Variants in ALMS1 observed in about 807,000 individuals in gnomAD.
ALMS1 encodes the protein centrosome-associated protein ALMS1.
ALMS1 carries 271 observed loss-of-function variants against 352.2 expected under a neutral mutation model. The observed-to-expected ratio is 0.77, with a 90% CI of 0.70 to 0.85. The LOEUF is 0.85. Ranked by LOEUF, ALMS1 falls within the 40% of genes least tolerant of loss-of-function variation. ALMS1 has a pLI of 0.00. For missense variants in ALMS1, 5,445 were observed against 4,870.7 expected (o/e 1.12, Z -3.51); for synonymous variants, 1,865 against 1,761.2 (o/e 1.06, Z -1.48).
At chr2:73,604,938 A>C (rs1675781609) in intron 21 of ALMS1, among the ~76,000 whole-genome samples, 1 of 152,208 alleles carries the variant, frequency 6.6e-6, no homozygotes, top group South Asian at 2.1e-4. Context: ...AGTGTGATGG[A>C]AGAACAAGGA....
At chr2:73,446,974 C>A (rs1400175735) in intron 7 of ALMS1, among the ~76,000 whole-genome samples, 1 of 152,178 alleles carries the variant, frequency 6.6e-6, no homozygotes, top group Non-Finnish European at 1.5e-5. Context: ...TTAACACCAT[C>A]TGACACATCA....
intron 1 of ALMS1, among the ~76,000 whole-genome samples, chr2:73,406,917 A>G (rs1036514690): frequency 1.3e-5 from 2 of 152,186 alleles, no homozygotes; most frequent in African/African-American, 2.4e-5. Flanking sequence ...GAGCCACCGC[A>G]CCTGGCCAAA....
chr2:73,573,725 A>G (rs1674993778), intron 16 of ALMS1: 1 of 574,016 alleles, frequency 1.7e-6, no homozygotes, highest in African/African-American at 1.9e-5. Flanking sequence ...TCTATCCTGA[A>G]CAATATTGCT....
intron 11 of ALMS1, among the ~76,000 whole-genome samples, chr2:73,526,450 G>A (rs1413580362): frequency 1.3e-5 from 2 of 151,808 alleles, no homozygotes; most frequent in Non-Finnish European, 2.9e-5. Context: ...TTTTTTTGTT[G>A]TCCTCTTCAA....
intron 16 of ALMS1, among the ~76,000 whole-genome samples, chr2:73,575,247 A>G (rs903727005): frequency 4.6e-5 from 7 of 152,076 alleles, no homozygotes; most frequent in South Asian, 2.1e-4. Flanking sequence ...CCTGTCTGCA[A>G]TTCTTTTGGG....
chr2:73,519,720 C>G, intron 10 of ALMS1, 55 bp from the exon 11 acceptor site: 1 of 1,609,766 alleles, frequency 6.2e-7, no homozygotes, highest in Non-Finnish European at 8.5e-7. Context: ...AAAGAGATTT[C>G]AGTCTCTAAT....
intron 6 of ALMS1, among the ~76,000 whole-genome samples, chr2:73,429,297 T>C (rs1671454788): frequency 4.1e-5 from 6 of 146,386 alleles, no homozygotes. Context: ...TTTTTTTTTT[T>C]TGAGGCAGAG....
At chr2:73,508,207 C>CTTT (rs562118895) in intron 10 of ALMS1, among the ~76,000 whole-genome samples, 12 of 108,014 alleles carry the variant, frequency 1.1e-4, no homozygotes, top group African/African-American at 2.1e-4. Flanking sequence ...TCTTCTTCTT[C>CTTT]TTTTTTTTTT....
At chr2:73,447,892 T>TC in intron 7 of ALMS1, 68 bp from the exon 8 acceptor site, 1 of 1,489,632 alleles carries the variant, frequency 6.7e-7, no homozygotes, top group Non-Finnish European at 8.9e-7. Flanking sequence ...AAAGCTGGCT[T>TC]TTTTCCAGCA....
chr2:73,437,748 C>A (rs1356378732), intron 7 of ALMS1, among the ~76,000 whole-genome samples: 3 of 152,146 alleles, frequency 2.0e-5, no homozygotes, highest in Non-Finnish European at 4.4e-5. Context: ...GTCTTGACAT[C>A]TGAAACTGCG....
chr2:73,424,369 A>G, intron 4 of ALMS1, 61 bp from the exon 5 acceptor site: 2 of 1,092,742 alleles, frequency 1.8e-6, no homozygotes, highest in Non-Finnish European at 2.5e-6. Context: ...TTGTGTTAGT[A>G]CTTAAAAATT....
chr2:73,469,193 A>G (rs1044304774), intron 9 of ALMS1, among the ~76,000 whole-genome samples: 1 of 151,888 alleles, frequency 6.6e-6, no homozygotes, highest in African/African-American at 2.4e-5. Flanking sequence ...AGTTTAGAAA[A>G]AAAAACCATG....
At chr2:73,601,508 C>G (rs1489282804) in intron 19 of ALMS1, 72 bp downstream of exon 19, 7 of 1,575,226 alleles carry the variant, frequency 4.4e-6, no homozygotes, top group Non-Finnish European at 5.2e-6. Flanking sequence ...GAAGCTGGCT[C>G]TGTGACTTGG....
chr2:73,498,812 A>G (rs1283482333), intron 10 of ALMS1, among the ~76,000 whole-genome samples: 3 of 152,118 alleles, frequency 2.0e-5, no homozygotes, highest in Non-Finnish European at 2.9e-5. Flanking sequence ...TTACCCATCT[A>G]TTGATGGACA....
intron 9 of ALMS1, among the ~76,000 whole-genome samples, chr2:73,474,038 A>G (rs1672526818): frequency 6.6e-6 from 1 of 152,112 alleles, no homozygotes; most frequent in African/African-American, 2.4e-5. Flanking sequence ...ACTCAAAGAG[A>G]CCCACACCAT....
chr2:73,424,567 T>C lies in ALMS1; in HGVS notation c.902T>C (p.Ile301Thr), dbSNP rs374259576. ...TTTAGTGTATCTCAGCACCCGCTTA[T>C]AGGCAGCACAGCTGTTGGGTCTCAG... ...SRFSVSQHPLIGSTAVGSQCP... is the reference protein window; with the variant it reads ...SRFSVSQHPLTGSTAVGSQCP... The change falls in exon 5 of 23, where the codon ATA (isoleucine) becomes ACA (threonine). Residue 301 changes from isoleucine (I) to threonine (T), a missense_variant. Physicochemically the swap from Ile to Thr is moderately conservative, Grantham distance 89 (BLOSUM62 -1). Coordinates refer to ENST00000613296, the MANE Select transcript of ALMS1 (RefSeq NM_001378454.1). 33 of 1,613,912 alleles carry C rather than the reference T, an allele frequency of 2.0e-5. No individual in the cohort carries two copies. Among genetic ancestry groups the C allele is most frequent in the Non-Finnish European group, 2.2e-5 (26 of 1,180,020 alleles).
intron 9 of ALMS1, among the ~76,000 whole-genome samples, chr2:73,472,214 TTAGG>T (rs1416464835): frequency 6.6e-6 from 1 of 151,988 alleles, no homozygotes; most frequent in East Asian, 1.9e-4. Context: ...GGAATTGATG[TTAGG>T]TAGGTATCAC....
intron 7 of ALMS1, among the ~76,000 whole-genome samples, chr2:73,440,494 G>T (rs1311060485): frequency 6.6e-6 from 1 of 151,290 alleles, no homozygotes; most frequent in Non-Finnish European, 1.5e-5. Context: ...CTCTCTCTCG[G>T]CTCACTGAAA....
intron 15 of ALMS1, among the ~76,000 whole-genome samples, chr2:73,570,165 A>G (rs1674894620): frequency 6.6e-6 from 1 of 152,216 alleles, no homozygotes; most frequent in Non-Finnish European, 1.5e-5. Flanking sequence ...TGTGCCATTC[A>G]CAGAGATGTG....
Sources: allele counts gnomAD v4.1 joint callset (sites outside exome capture counted in the v4.1 genomes callset), GRCh38; gene constraint gnomAD v4.1.1; transcripts MANE v1.5; gene names NCBI Gene and HGNC (gene_info 2026-07-23, HGNC 2026-07-21).